TVP23B: variants seen among roughly 807,000 people sequenced by gnomAD.
TVP23B encodes trans-golgi network vesicle protein 23 homolog B, also known as Golgi apparatus membrane protein TVP23 homolog B.
TVP23B carries 10 observed loss-of-function variants against 30.6 expected under a neutral mutation model. The observed-to-expected ratio is 0.33, with a 90% CI of 0.20 to 0.55. TVP23B has a LOEUF of 0.55. Ranked by LOEUF, TVP23B falls within the 20% of genes least tolerant of loss-of-function variation. The pLI is 0.91. For synonymous variants in TVP23B, 67 were observed against 83.1 expected, an observed-to-expected ratio of 0.81 and a Z score of 1.06; for missense variants, 153 against 243.2, an observed-to-expected ratio of 0.63 and a Z score of 2.47.
chr17:18,787,415 A>AAC (rs1353268645), intron 1 of TVP23B, among the ~76,000 whole-genome samples: 3 of 149,442 alleles, frequency 2.0e-5, no homozygotes, highest in Non-Finnish European at 3.0e-5. Context: ...AAAAAAAAAA[A>AAC]AAAACCTTGT....
Position 18,805,744 on chromosome 17 carries a change from G to A in TVP23B, c.*177G>A. The A allele has an allele frequency of 1.4e-6, 2 of 1,436,006 alleles. No individual in the cohort carries two copies. The highest frequency in any genetic ancestry group is 9.1e-7 in the Non-Finnish European group (1 of 1,096,118). 89.0% of individuals were successfully genotyped at this position (1,436,006 alleles called of 1,614,324 possible). ...ATATTAAGTTTTTATTTCCTTTCCA[G>A]CAGTTGGGGCTAGAAAGTATGTGTT... On this transcript the variant is annotated 3_prime_UTR_variant, in exon 7 of 7. Coordinates refer to ENST00000307767, the MANE Select transcript of TVP23B (RefSeq NM_016078.6).
intron 4 of TVP23B, among the ~76,000 whole-genome samples, chr17:18,798,050 T>C (rs1305371531): frequency 6.6e-6 from 1 of 152,132 alleles, no homozygotes; most frequent in Non-Finnish European, 1.5e-5. Flanking sequence ...GTCTTTCATT[T>C]CTGGGCAGGA....
chr17:18,781,565 G>C (rs1597611117), intron 1 of TVP23B: 2 of 524,518 alleles, frequency 3.8e-6, no homozygotes, highest in Non-Finnish European at 6.5e-6. Flanking sequence ...CAGCGCGAGT[G>C]GGGGTCTCTC....
At chr17:18,783,519 TAAAACTC>T (rs1483935833) in intron 1 of TVP23B, among the ~76,000 whole-genome samples, 6 of 152,344 alleles carry the variant, frequency 3.9e-5, no homozygotes, top group Middle Eastern at 3.4e-3. Context: ...AGGCAACTAT[TAAAACTC>T]AAATCTTCAA....
At chr17:18,783,497 C>A (rs1366724619) in intron 1 of TVP23B, among the ~76,000 whole-genome samples, 4 of 152,230 alleles carry the variant, frequency 2.6e-5, no homozygotes, top group Admixed American at 6.5e-5. Context: ...AGCCCCTTCA[C>A]CCTCTCGCCT....
intron 5 of TVP23B, among the ~76,000 whole-genome samples, chr17:18,802,527 G>A (rs1281754999): frequency 8.0e-6 from 1 of 124,974 alleles, no homozygotes; most frequent in Admixed American, 7.9e-5. Context: ...TCCTGGGGAT[G>A]GTAATTAGTG....
At chr17:18,792,076 C>G (rs1389471900) in intron 3 of TVP23B, among the ~76,000 whole-genome samples, 2 of 151,642 alleles carry the variant, frequency 1.3e-5, no homozygotes, top group African/African-American at 4.9e-5. Flanking sequence ...TTTTGTTGCC[C>G]AGGCTGGAGT....
chr17:18,781,190 T>G lies in TVP23B; in HGVS notation c.-104T>G, dbSNP rs1194964160. The G allele has an allele frequency of 6.6e-7, 1 of 1,516,684 alleles. No individual in the cohort carries two copies. The highest frequency in any genetic ancestry group is 1.4e-5 in the African/African-American group (1 of 72,128). The allele number at this position is 1,516,684 out of a possible 1,614,324, so 94.0% of individuals were successfully genotyped here. ...TGAGGCCGGACTGAGGCTCTTACAG[T>G]GGTCCCTGCTGGCCCTTGGTGACGG... On this transcript the variant is annotated 5_prime_UTR_variant, in exon 1 of 7. Transcript: ENST00000307767.
chr17:18,784,073 A>C (rs1214877425), intron 1 of TVP23B, among the ~76,000 whole-genome samples: 2 of 152,086 alleles, frequency 1.3e-5, no homozygotes, highest in African/African-American at 4.8e-5. Flanking sequence ...TAAACCTGGG[A>C]GGCGGAGCTT....
intron 1 of TVP23B, among the ~76,000 whole-genome samples, chr17:18,786,559 G>A (rs908149837): frequency 6.6e-6 from 1 of 152,160 alleles, no homozygotes; most frequent in African/African-American, 2.4e-5. Context: ...AACATCATAC[G>A]GTGGATCTCA....
In TVP23B at chr17:18,805,836, G is replaced by A. The variant is rs1461074415; in HGVS notation, c.*269G>A. 22 of 1,255,306 alleles carry A rather than the reference G, an allele frequency of 1.8e-5. No homozygotes were observed. The highest frequency in any genetic ancestry group is 2.2e-5 in the Non-Finnish European group (22 of 996,448). The allele number at this position is 1,255,306 out of a possible 1,614,324, so 77.8% of individuals were successfully genotyped here. A position where few individuals can be genotyped will look rare whatever the true frequency, so the allele number is the denominator to read the frequency against. On this transcript the variant is annotated 3_prime_UTR_variant, in exon 7 of 7. Transcript: ENST00000307767. ...ATGCACATTCCATAGGTATGCACAC[G>A]GCCATGTAATATCAGTATATCCCAA...
chr17:18,783,306 A>G (rs1205176044), intron 1 of TVP23B, among the ~76,000 whole-genome samples: 2 of 152,064 alleles, frequency 1.3e-5, no homozygotes, highest in African/African-American at 4.8e-5. Context: ...GGGTTTCACC[A>G]TATTAACCAG....
rs2035932002 is a variant in TVP23B at position 18,787,864 on chromosome 17, AG to A, written c.13-1488del. Among the ~76,000 whole-genome samples the A allele has an allele frequency of 2.6e-5, 4 of 152,168 alleles. No individual in the cohort carries two copies. In the South Asian group the frequency reaches 8.3e-4, roughly 32 times the overall value. ...GATGCCATTGAAAAATTTGAGCAGT[AG>A]AGTGACATGGTGTGATTTCCATATT... On this transcript the variant is annotated intron_variant, in intron 1 of 6. Transcript: ENST00000307767.
intron 1 of TVP23B, among the ~76,000 whole-genome samples, chr17:18,783,401 C>T (rs1481360853): frequency 3.3e-5 from 5 of 152,342 alleles, no homozygotes; most frequent in African/African-American, 9.6e-5. Flanking sequence ...CCGCCAGGCC[C>T]GGCCGACGGT....
At chr17:18,794,392 G>A (rs2151848075) in intron 3 of TVP23B, among the ~76,000 whole-genome samples, 2 of 152,226 alleles carry the variant, frequency 1.3e-5, no homozygotes, top group East Asian at 3.9e-4. Context: ...TGTCGAAATT[G>A]GAATTCTTTT....
intron 6 of TVP23B, 76 bp from the exon 7 acceptor site, chr17:18,805,465 C>T (rs2036235030): frequency 6.3e-7 from 1 of 1,588,792 alleles, no homozygotes; most frequent in Non-Finnish European, 8.5e-7. Context: ...TTTTCCTAGG[C>T]CTAGTCCCCA....
intron 5 of TVP23B, among the ~76,000 whole-genome samples, chr17:18,800,644 T>C (rs1252176995): frequency 3.9e-5 from 6 of 152,082 alleles, no homozygotes; most frequent in Non-Finnish European, 7.4e-5. Flanking sequence ...TTTTTTTTTT[T>C]AGTTCATGTA....
chr17:18,803,884 T>C (rs1158527872), intron 5 of TVP23B, among the ~76,000 whole-genome samples: 1 of 152,068 alleles, frequency 6.6e-6, no homozygotes, highest in Admixed American at 6.5e-5. Context: ...GCAGCTAGCA[T>C]GATGCCTGGC....
intron 1 of TVP23B, among the ~76,000 whole-genome samples, chr17:18,783,943 G>T (rs977170333): frequency 2.7e-4 from 41 of 152,132 alleles, no homozygotes; most frequent in Admixed American, 2.6e-3. Context: ...TCAGGAGATC[G>T]AGACCATCCT....
Sources: allele counts gnomAD v4.1 joint callset (sites outside exome capture counted in the v4.1 genomes callset), GRCh38; gene constraint gnomAD v4.1.1; transcripts MANE v1.5; gene names NCBI Gene and HGNC (gene_info 2026-07-23, HGNC 2026-07-21).